CS: variants seen among roughly 807,000 people sequenced by gnomAD.
CS encodes citrate synthase, mitochondrial.
In CS, 13 loss-of-function variants were observed where a neutral mutation model predicts 61.4. That is an observed-to-expected ratio of 0.21 (90% CI 0.14 to 0.34). The LOEUF is 0.34. CS is among the 10% of genes least tolerant of loss of function. The pLI, the probability that CS is intolerant of heterozygous loss-of-function variation, is 1.00. For synonymous variants in CS, 159 were observed against 215.2 expected, an observed-to-expected ratio of 0.74 and a Z score of 2.29; for missense variants, 278 against 573.4, an observed-to-expected ratio of 0.48 and a Z score of 5.26.
intron 7 of CS, 51 bp downstream of exon 7, chr12:56,275,945 T>A (rs1872613148): frequency 6.5e-7 from 1 of 1,541,640 alleles, no homozygotes; most frequent in Non-Finnish European, 9.0e-7. Context: ...TTTAAAAAAA[T>A]TTCCCACCAA....
At chr12:56,289,272 G>A (rs1873039021) in intron 1 of CS, among the ~76,000 whole-genome samples, 1 of 152,140 alleles carries the variant, frequency 6.6e-6, no homozygotes, top group Admixed American at 6.6e-5. Context: ...ATGTTAATAA[G>A]TTCAAACTAT....
chr12:56,286,455 G>A, intron 2 of CS, 140 bp downstream of exon 2: 1 of 646,008 alleles, frequency 1.5e-6, no homozygotes, highest in Non-Finnish European at 2.7e-6. Flanking sequence ...AATAATAGCA[G>A]CTATAACAAT....
At chr12:56,290,811 A>G (rs1166227170) in intron 1 of CS, among the ~76,000 whole-genome samples, 3 of 152,216 alleles carry the variant, frequency 2.0e-5, no homozygotes, top group Non-Finnish European at 4.4e-5. Flanking sequence ...TCCATAATTA[A>G]GATAACACTT....
rs529672540 is a variant in CS at position 56,300,138 on chromosome 12, G to GC, written c.42+21dup. 1.3e-4 allele frequency: 195 copies of GC among 1,555,240 alleles called. 1 individual carries two copies. In the East Asian group the frequency reaches 4.4e-3, roughly 35 times the overall value. On this transcript the variant is annotated intron_variant, in intron 1 of 10. Transcript: ENST00000351328. ...CCTCAGCCCCACCCTGGGACGGCGTGCTCCCTCCCCTCGCTGCTCACCTTG... is the reference window on the plus strand; with the variant it reads ...CCTCAGCCCCACCCTGGGACGGCGTGCCTCCCTCCCCTCGCTGCTCACCTTG...
At chr12:56,282,004 G>A (rs748708847) in intron 6 of CS, among the ~76,000 whole-genome samples, 8 of 152,010 alleles carry the variant, frequency 5.3e-5, no homozygotes, top group African/African-American at 1.4e-4. Context: ...GATTACAGGC[G>A]CCCGGCATCA....
intron 6 of CS, among the ~76,000 whole-genome samples, chr12:56,280,822 T>C (rs1872759779): frequency 6.6e-6 from 1 of 152,012 alleles, no homozygotes; most frequent in Non-Finnish European, 1.5e-5. Flanking sequence ...CCACCTAAAG[T>C]GTTTATAAAT....
intron 1 of CS, among the ~76,000 whole-genome samples, chr12:56,287,278 A>G (rs558815772): frequency 5.3e-5 from 8 of 152,176 alleles, no homozygotes; most frequent in Non-Finnish European, 1.0e-4. Flanking sequence ...TCAGGAGTTC[A>G]AGACCAGCCT....
chr12:56,286,245 G>T (rs1260200012), intron 2 of CS: 3 of 565,534 alleles, frequency 5.3e-6, no homozygotes, highest in Middle Eastern at 4.5e-4. Flanking sequence ...GCAGACAAAA[G>T]TTCTGGAGAT....
rs759549274 is a variant in CS at position 56,275,113 on chromosome 12, A to G, written c.807T>C (p.Asn269=). Residue 269 remains asparagine, a synonymous_variant, in exon 8 of 11, where the codon AAT becomes AAC. Transcript: ENST00000351328. ...CCAAATGGCTGGTATGGGCACTTACATTGCCACCCTCATGGTCACTGTGGG... is the reference window on the plus strand; with the variant it reads ...CCAAATGGCTGGTATGGGCACTTACGTTGCCACCCTCATGGTCACTGTGGG... ...LTIHSDHEGG[N]VSAHTSHLVG... is the part of the protein sequence containing the mutation. 20 of 1,614,110 alleles carry G rather than the reference A, an allele frequency of 1.2e-5. 1 individual carries two copies. The East Asian group carries it at 4.2e-4, about 34-fold the overall frequency.
At chr12:56,294,118 A>G (rs906294991) in intron 1 of CS, among the ~76,000 whole-genome samples, 30 of 152,208 alleles carry the variant, frequency 2.0e-4, no homozygotes, top group African/African-American at 7.2e-4. Context: ...CTTCATACTT[A>G]CAGACATTTC....
chr12:56,285,742 G>A (rs1009741179), intron 3 of CS, among the ~76,000 whole-genome samples, 174 bp downstream of exon 3: 3 of 152,146 alleles, frequency 2.0e-5, no homozygotes, highest in Non-Finnish European at 2.9e-5. Flanking sequence ...AAAAACTGTT[G>A]AGAAACTATC....
At chr12:56,277,610 TA>T (rs1310047609) in intron 6 of CS, among the ~76,000 whole-genome samples, 2 of 151,846 alleles carry the variant, frequency 1.3e-5, no homozygotes, top group Non-Finnish European at 2.9e-5. Context: ...AATTGTTATT[TA>T]ATAACAAAGA....
At chr12:56,294,040 C>T (rs193255382) in intron 1 of CS, among the ~76,000 whole-genome samples, 3 of 152,340 alleles carry the variant, frequency 2.0e-5, no homozygotes, top group East Asian at 1.9e-4. Flanking sequence ...TACTGGAAGT[C>T]GGTTTGGCAC....
intron 1 of CS, chr12:56,291,925 C>G (rs896580134): frequency 1.3e-5 from 2 of 152,230 alleles, no homozygotes; most frequent in Non-Finnish European, 2.9e-5. Flanking sequence ...CCCACAATCA[C>G]TAAGAGCTCA....
In CS at chr12:56,275,012, AG is replaced by A; in HGVS notation, c.907del (p.Leu303TrpfsTer10). 6.2e-7 allele frequency: 1 copy of A among 1,614,222 alleles called. No individual in the cohort carries two copies. Among genetic ancestry groups the A allele is most frequent in the Non-Finnish European group, 8.5e-7 (1 of 1,180,026 alleles). On this transcript the variant is annotated frameshift_variant, in exon 8 of 11. Coordinates refer to ENST00000351328, the MANE Select transcript of CS (RefSeq NM_004077.3). LOFTEE classifies it high-confidence loss of function. ...MNGLAGPLHG[L>X]ANQEVLVWLT... Reference sequence around the variant, plus strand: ...AAAGAATAGTCTTACCTGATTTGCCAGTCCATGGAGAGGCCCTGCCAGCCCG... The same window carrying A: ...AAAGAATAGTCTTACCTGATTTGCCATCCATGGAGAGGCCCTGCCAGCCCG...
chr12:56,298,920 T>C (rs1873391131), intron 1 of CS, among the ~76,000 whole-genome samples: 1 of 151,880 alleles, frequency 6.6e-6, no homozygotes, highest in South Asian at 2.1e-4. Flanking sequence ...TGCACACCTG[T>C]GGTCCCAGCT....
At position 56,271,811 on chromosome 12, in the gene CS, C is replaced by T. The variant is rs531629089; in HGVS notation, c.*1273G>A. ...GTGTGTCCAACTCAACAGTGTGGTT[C>T]TGGGACTGGGTATCCACACAAACAC... On this transcript the variant is annotated 3_prime_UTR_variant, in exon 11 of 11. Coordinates refer to ENST00000351328, the MANE Select transcript of CS (RefSeq NM_004077.3). 2.4e-5 allele frequency: 11 copies of T among 454,350 alleles called. No homozygotes were observed. Among genetic ancestry groups the T allele is most frequent in the South Asian group, 1.2e-4 (8 of 64,224 alleles). The allele number at this position is 454,350 out of a possible 1,614,324, so 28.1% of individuals were successfully genotyped here.
chr12:56,272,091 A>G lies in CS; in HGVS notation c.*993T>C, dbSNP rs1308244765. 1 of 331,234 alleles carries G rather than the reference A, an allele frequency of 3.0e-6. No homozygotes were observed. Among genetic ancestry groups the G allele is most frequent in the Non-Finnish European group, 5.9e-6 (1 of 168,214 alleles). The allele number at this position is 331,234 out of a possible 1,614,324, so 20.5% of individuals were successfully genotyped here. A position where few individuals can be genotyped will look rare whatever the true frequency, so the allele number is the denominator to read the frequency against. ...AGCCCCAGTACCTGATAATCAGAGG[A>G]GACCATGTCCAATCTTGAATCAATT... On this transcript the variant is annotated 3_prime_UTR_variant, in exon 11 of 11. Transcript: ENST00000351328.
chr12:56,274,726 G>T, intron 9 of CS, 51 bp downstream of exon 9: 1 of 1,350,996 alleles, frequency 7.4e-7, no homozygotes, highest in Non-Finnish European at 1.0e-6. Context: ...CTTCCAAATT[G>T]CAGAACTTGT....
Sources: allele counts gnomAD v4.1 joint callset (sites outside exome capture counted in the v4.1 genomes callset), GRCh38; gene constraint gnomAD v4.1.1; transcripts MANE v1.5; gene names NCBI Gene and HGNC (gene_info 2026-07-23, HGNC 2026-07-21).